PARD3: variants seen among roughly 807,000 people sequenced by gnomAD.
PARD3 encodes the protein par-3 family cell polarity regulator.
In PARD3, 75 loss-of-function variants were observed where a neutral mutation model predicts 155.4. The observed-to-expected ratio is 0.48, with a 90% CI of 0.40 to 0.58. The LOEUF (loss-of-function observed/expected upper bound fraction) is 0.58, where lower values mean the gene tolerates loss of function less well. Among genes scored for constraint, PARD3 ranks in the 20% least tolerant of loss-of-function variants. The pLI, the probability that PARD3 is intolerant of heterozygous loss-of-function variation, is 0.00. For synonymous variants in PARD3, 576 were observed against 610.5 expected (o/e 0.94, Z 0.83); for missense variants, 1,642 against 1,721.7 (o/e 0.95, Z 0.82).
intron 23 of PARD3, among the ~76,000 whole-genome samples, chr10:34,127,254 G>C (rs76019755): frequency 0.015 from 2,278 of 152,296 alleles, 31 homozygotes; most frequent in Middle Eastern, 0.031. Flanking sequence ...CTCGCATGTG[G>C]ATACAATGTC....
intron 1 of PARD3, among the ~76,000 whole-genome samples, chr10:34,740,713 T>C (rs1337535044): frequency 6.8e-6 from 1 of 146,320 alleles, no homozygotes; most frequent in Non-Finnish European, 1.5e-5. Context: ...TTCCCTCCCC[T>C]CTTTTCCTAC....
chr10:34,613,638 C>T (rs975804219), intron 2 of PARD3, among the ~76,000 whole-genome samples: 9 of 152,134 alleles, frequency 5.9e-5, no homozygotes, highest in Middle Eastern at 3.4e-3. Flanking sequence ...ATTCATTCTG[C>T]CTATTATAAG....
intron 1 of PARD3, among the ~76,000 whole-genome samples, chr10:34,707,251 A>G (rs1169658800): frequency 1.3e-5 from 2 of 151,678 alleles, no homozygotes; most frequent in Non-Finnish European, 2.9e-5. Flanking sequence ...TCTCAAAAAA[A>G]AAAAAAGAAA....
chr10:34,516,895 T>C (rs2081807138), intron 3 of PARD3, 84 bp downstream of exon 3: 5 of 1,292,688 alleles, frequency 3.9e-6, no homozygotes, highest in Non-Finnish European at 4.3e-6. Flanking sequence ...ATTAATTCCA[T>C]TTACAGGGTC....
chr10:34,637,185 A>G (rs2092508433), intron 2 of PARD3, among the ~76,000 whole-genome samples: 1 of 152,254 alleles, frequency 6.6e-6, no homozygotes, highest in South Asian at 2.1e-4. Flanking sequence ...AGGTGCTATG[A>G]GCCCAGTTTT....
intron 22 of PARD3, among the ~76,000 whole-genome samples, chr10:34,226,161 T>C (rs568685212): frequency 1.3e-5 from 2 of 152,304 alleles, no homozygotes; most frequent in South Asian, 2.1e-4. Context: ...AAATAGGCTA[T>C]TAATCAAACA....
intron 2 of PARD3, among the ~76,000 whole-genome samples, chr10:34,539,639 T>C (rs1235078674): frequency 1.3e-5 from 2 of 152,210 alleles, no homozygotes; most frequent in African/African-American, 2.4e-5. Context: ...CCAGTTTCGG[T>C]GACACAGCGA....
chr10:34,283,734 T>A (rs1956259653), intron 21 of PARD3, among the ~76,000 whole-genome samples: 1 of 152,032 alleles, frequency 6.6e-6, no homozygotes, highest in African/African-American at 2.4e-5. Context: ...GATATAAAAC[T>A]TCGGAGTTTT....
At chr10:34,681,752 ATATATATATATATATATTTTTTTTTTT>A (rs1416086221) in intron 2 of PARD3, among the ~76,000 whole-genome samples, 974 of 19,146 alleles carry the variant, frequency 0.051, 35 homozygotes, top group African/African-American at 0.18. Flanking sequence ...ATATATATAT[ATATATATATATATATATTTTTTTTTTT>A]TTTTTTTTTT....
At chr10:34,388,568 T>G (rs1428463734) in intron 7 of PARD3, among the ~76,000 whole-genome samples, 1 of 152,202 alleles carries the variant, frequency 6.6e-6, no homozygotes, top group Non-Finnish European at 1.5e-5. Flanking sequence ...CAAACTCAAC[T>G]AGAAATCAGA....
intron 2 of PARD3, among the ~76,000 whole-genome samples, chr10:34,567,858 G>A (rs2086080843): frequency 6.6e-6 from 1 of 152,084 alleles, no homozygotes; most frequent in South Asian, 2.1e-4. Context: ...CCAGCCATCT[G>A]TCCTCAGAAT....
chr10:34,782,665 T>C (rs994056064), intron 1 of PARD3, among the ~76,000 whole-genome samples: 4 of 152,094 alleles, frequency 2.6e-5, no homozygotes, highest in Admixed American at 1.3e-4. Context: ...ATCCCCACTC[T>C]ACACCAACTT....
At chr10:34,617,764 C>A (rs1419968039) in intron 2 of PARD3, among the ~76,000 whole-genome samples, 1 of 152,164 alleles carries the variant, frequency 6.6e-6, no homozygotes, top group Non-Finnish European at 1.5e-5. Context: ...CTTCATGGGA[C>A]TGGCTTCATA....
At chr10:34,650,350 T>A (rs1470487147) in intron 2 of PARD3, among the ~76,000 whole-genome samples, 3 of 152,250 alleles carry the variant, frequency 2.0e-5, no homozygotes, top group Non-Finnish European at 4.4e-5. Flanking sequence ...AGTTCCATTA[T>A]AATCTGACGG....
At chr10:34,184,177 C>A (rs781015276) in intron 22 of PARD3, among the ~76,000 whole-genome samples, 1 of 152,066 alleles carries the variant, frequency 6.6e-6, no homozygotes, top group Non-Finnish European at 1.5e-5. Context: ...CTGAGGTTTC[C>A]GACCAAGTAT....
rs567496131 is a variant in PARD3, at chr10:34,654,281, T to C, written c.222+42037A>G. Reference sequence around the variant, plus strand: ...TGGCAAGAATAATAGCTAACATGTATAAGGTGATATCATATAACAATGTTT... The same window carrying C: ...TGGCAAGAATAATAGCTAACATGTACAAGGTGATATCATATAACAATGTTT... On this transcript the variant is annotated intron_variant, in intron 2 of 24. Transcript: ENST00000374788. Among the ~76,000 whole-genome samples, 6 of 152,152 alleles carry C rather than the reference T, an allele frequency of 3.9e-5. 1 individual carries two copies. In the South Asian group the frequency reaches 1.2e-3, roughly 32 times the overall value.
At position 34,559,314 on chromosome 10, in the gene PARD3, C is replaced by A. The variant is rs952707279; in HGVS notation, c.223-42155G>T. 5.6e-4 allele frequency among the ~76,000 whole-genome samples: 85 copies of A among 152,034 alleles called. 1 individual carries two copies. Among genetic ancestry groups the A allele is most frequent in the Admixed American group, 5.6e-3 (85 of 15,256 alleles). ...CTGTTGTGATTTTCTAAAACCCATG[C>A]CTTCGGTGGAATGTCTTGGCTTCTT... On this transcript the variant is annotated intron_variant, in intron 2 of 24. Transcript: ENST00000374788.
chr10:34,389,653 AGGCAGAATATGAGTG>A (rs1842691593), intron 7 of PARD3, among the ~76,000 whole-genome samples: 1 of 152,214 alleles, frequency 6.6e-6, no homozygotes, highest in East Asian at 1.9e-4. Context: ...ACGGTAGGGA[AGGCAGAATATGAGTG>A]GGCAGAATAG....
At chr10:34,409,103 A>G (rs1844789874) in intron 5 of PARD3, among the ~76,000 whole-genome samples, 2 of 152,158 alleles carry the variant, frequency 1.3e-5, no homozygotes, top group Admixed American at 1.3e-4. Flanking sequence ...GTACTGATCA[A>G]ATGTAGTATT....
Sources: allele counts gnomAD v4.1 joint callset (sites outside exome capture counted in the v4.1 genomes callset), GRCh38; gene constraint gnomAD v4.1.1; transcripts MANE v1.5; gene names NCBI Gene and HGNC (gene_info 2026-07-23, HGNC 2026-07-21).